Variants in CCL15 observed in about 807,000 individuals in gnomAD.
CCL15 encodes the protein C-C motif chemokine ligand 15.
CCL15 carries 8 observed loss-of-function variants against 10.6 expected under a neutral mutation model. That is an observed-to-expected ratio of 0.75 (90% CI 0.44 to 1.36). The LOEUF is 1.36. CCL15 is among the 40% of genes most tolerant of loss of function. The pLI is 0.00. For missense variants in CCL15, 128 were observed against 136.6 expected, an observed-to-expected ratio of 0.94 and a Z score of 0.32; for synonymous variants, 51 against 48.8, an observed-to-expected ratio of 1.04 and a Z score of -0.19.
intron 3 of CCL15, among the ~76,000 whole-genome samples, 182 bp downstream of exon 3, chr17:35,998,098 T>G (rs2089938551): frequency 6.6e-6 from 1 of 152,140 alleles, no homozygotes; most frequent in Non-Finnish European, 1.5e-5. Context: ...CTTCCCTATC[T>G]CCTCTCCACT....
In CCL15 at chr17:35,998,340, G is replaced by A. The variant is rs771710671; in HGVS notation, c.188C>T (p.Pro63Leu). ...AAAATAACTTTTCATGAGTGAACACGGGATGCTTTGTGAGATGTAGGAGGT... is the reference window on the plus strand; with the variant it reads ...AAAATAACTTTTCATGAGTGAACACAGGATGCTTTGTGAGATGTAGGAGGT... ...CCTSYISQSI[P>L]CSLMKSYFET... The change falls in exon 3 of 4, where the codon CCG becomes CTG. Residue 63 changes from proline (P) to leucine (L), a missense_variant. By Grantham distance (98) the Pro-to-Leu change is moderately conservative. Coordinates refer to ENST00000617897, the MANE Select transcript of CCL15 (RefSeq NM_032965.6). The A allele has an allele frequency of 1.1e-5, 17 of 1,614,050 alleles. No individual in the cohort carries two copies. The highest frequency in any genetic ancestry group is 3.3e-4 in the Middle Eastern group (2 of 6,084).
At chr17:35,999,094 G>A (rs1427430687) in intron 1 of CCL15, among the ~76,000 whole-genome samples, 169 bp from the exon 2 acceptor site, 1 of 152,066 alleles carries the variant, frequency 6.6e-6, no homozygotes, top group East Asian at 1.9e-4. Flanking sequence ...ATTCCATTAG[G>A]GCCCTGAGAC....
chr17:36,000,067 C>T (rs184121502), intron 1 of CCL15, among the ~76,000 whole-genome samples: 160 of 148,892 alleles, frequency 1.1e-3, no homozygotes, highest in African/African-American at 3.7e-3. Flanking sequence ...AGGAGAATGG[C>T]GTGAACCGGG....
At chr17:35,998,441 CACAGTGG>C in intron 2 of CCL15, 50 bp from the exon 3 acceptor site, 3 of 1,281,660 alleles carry the variant, frequency 2.3e-6, no homozygotes, top group Non-Finnish European at 3.4e-6. Flanking sequence ...TCCTCGAAAG[CACAGTGG>C]AGGGTGAGAA....
chr17:35,997,788 C>T lies in CCL15; in HGVS notation c.321G>A (p.Lys107=), dbSNP rs941516070. 4 of 1,613,446 alleles carry T rather than the reference C, an allele frequency of 2.5e-6. No homozygotes were observed. The African/African-American group carries it at 5.3e-5, about 22-fold the overall frequency. ...SGPGVQDCMK[K]LKPYSI ...ATTATTATATTGAGTAGGGCTTCAG[C>T]TTTTTCATGCAATCCTGAACTCCCG... The change falls in exon 4 of 4, where the codon AAG becomes AAA. Residue 107 remains lysine (K), a synonymous_variant. Coordinates refer to ENST00000617897, the MANE Select transcript of CCL15 (RefSeq NM_032965.6).
Position 35,997,763 on chromosome 17 carries a change from A to G in CCL15, c.*4T>C, listed in dbSNP as rs775315616. Reference sequence around the variant, plus strand: ...GGTGGCTGGCCTCTTTTGTCTCTTTATTATTATATTGAGTAGGGCTTCAGC... The same window carrying G: ...GGTGGCTGGCCTCTTTTGTCTCTTTGTTATTATATTGAGTAGGGCTTCAGC... On this transcript the variant is annotated 3_prime_UTR_variant, in exon 4 of 4. Coordinates refer to ENST00000617897, the MANE Select transcript of CCL15 (RefSeq NM_032965.6). The G allele has an allele frequency of 6.2e-7, 1 of 1,604,948 alleles. No individual in the cohort carries two copies. Among genetic ancestry groups the G allele is most frequent in the Non-Finnish European group, 8.5e-7 (1 of 1,171,770 alleles).
At position 35,998,940 on chromosome 17, in the gene CCL15, A is replaced by G; in HGVS notation, c.77-15T>C. ...TGTCTCTGCATCTGAAAGAAACAGTACAGGGAAGGAAATCACTGGGTGGCA... is the reference window on the plus strand; with the variant it reads ...TGTCTCTGCATCTGAAAGAAACAGTGCAGGGAAGGAAATCACTGGGTGGCA... On this transcript the variant is annotated splice_polypyrimidine_tract_variant and intron_variant, in intron 1 of 3. Transcript: ENST00000617897. 1 of 1,610,346 alleles carries G rather than the reference A, an allele frequency of 6.2e-7. No individual in the cohort carries two copies. The highest frequency in any genetic ancestry group is 8.5e-7 in the Non-Finnish European group (1 of 1,176,456).
At chr17:36,001,298 T>G (rs2089992553) in intron 1 of CCL15, 119 bp downstream of exon 1, 13 of 1,328,236 alleles carry the variant, frequency 9.8e-6, no homozygotes, top group Non-Finnish European at 1.4e-5. Context: ...ACCCTGCTGG[T>G]GCTTTTTAAA....
chr17:35,998,202 C>A (rs1398034795), intron 3 of CCL15, 78 bp downstream of exon 3: 6 of 915,002 alleles, frequency 6.6e-6, no homozygotes, highest in Non-Finnish European at 1.8e-6. Flanking sequence ...CCGATGGACG[C>A]CCATCCGTCG....
At chr17:35,998,194 G>T in intron 3 of CCL15, 86 bp downstream of exon 3, 1 of 851,952 alleles carries the variant, frequency 1.2e-6, no homozygotes, top group Non-Finnish European at 2.0e-6. Context: ...GGTGGAACCC[G>T]ATGGACGCCC....
chr17:36,000,052 G>A (rs988034759), intron 1 of CCL15, among the ~76,000 whole-genome samples: 1 of 151,668 alleles, frequency 6.6e-6, no homozygotes, highest in South Asian at 2.1e-4. Context: ...TCGGGAGGCT[G>A]AGGCAGGAGA....
intron 1 of CCL15, among the ~76,000 whole-genome samples, 158 bp from the exon 2 acceptor site, chr17:35,999,083 T>C (rs891896267): frequency 6.6e-6 from 1 of 152,226 alleles, no homozygotes; most frequent in Non-Finnish European, 1.5e-5. Flanking sequence ...CTGGCCCATT[T>C]ATTCCATTAG....
At position 36,001,530 on chromosome 17, in the gene CCL15, G is replaced by A. The variant is rs750087781; in HGVS notation, c.-38C>T. ...CAGGCAGGGCTGGCCGAGGACTCCT[G>A]GGCTCACTGCTTCCTGGCTCCCCGG... is the stretch of plus-strand genomic sequence containing the variant. On this transcript the variant is annotated 5_prime_UTR_variant, in exon 1 of 4. Coordinates refer to ENST00000617897, the MANE Select transcript of CCL15 (RefSeq NM_032965.6). 4 of 1,611,252 alleles carry A rather than the reference G, an allele frequency of 2.5e-6. No individual in the cohort carries two copies. The South Asian group carries it at 4.4e-5, about 18-fold the overall frequency.
chr17:35,998,336 A>G lies in CCL15; in HGVS notation c.192T>C (p.Cys64=), dbSNP rs778260826. The change falls in exon 3 of 4, where the codon TGT becomes TGC. Residue 64 remains cysteine, a synonymous_variant. Transcript: ENST00000617897. ...TTTCAAAATAACTTTTCATGAGTGA[A>G]CACGGGATGCTTTGTGAGATGTAGG... ...CTSYISQSIP[C]SLMKSYFETS... 27 of 1,614,106 alleles carry G rather than the reference A, an allele frequency of 1.7e-5. No individual in the cohort carries two copies. The highest frequency in any genetic ancestry group is 1.9e-5 in the Non-Finnish European group (23 of 1,180,028).
At chr17:35,999,808 T>C (rs1043126400) in intron 1 of CCL15, among the ~76,000 whole-genome samples, 5 of 152,056 alleles carry the variant, frequency 3.3e-5, no homozygotes, top group African/African-American at 7.2e-5. Flanking sequence ...CCAAAATACA[T>C]CTAGCCTGAT....
intron 1 of CCL15, among the ~76,000 whole-genome samples, chr17:36,000,776 C>G (rs1204340667): frequency 1.3e-5 from 2 of 151,934 alleles, no homozygotes; most frequent in East Asian, 3.9e-4. Flanking sequence ...CCGAGAAACC[C>G]CAATAAAGGT....
chr17:36,001,488 T>A lies in CCL15; in HGVS notation c.5A>T (p.Lys2Met), dbSNP rs150531322. The change falls in exon 1 of 4, where the codon AAG becomes ATG. Residue 2 changes from lysine to methionine, a missense_variant. Coordinates refer to ENST00000617897, the MANE Select transcript of CCL15 (RefSeq NM_032965.6). Reference sequence around the variant, plus strand: ...GCAGGAGAGGGCAGCCACGGAGACCTTCATCCTCCTGGTGGGCAGGCAGGG... The same window carrying A: ...GCAGGAGAGGGCAGCCACGGAGACCATCATCCTCCTGGTGGGCAGGCAGGG... Reference protein sequence around the residue: MKVSVAALSCLM... With the variant: MMVSVAALSCLM... The A allele has an allele frequency of 1.2e-4, 188 of 1,613,354 alleles. 1 individual carries two copies. The Middle Eastern group carries it at 7.7e-3, about 66-fold the overall frequency.
At chr17:35,998,788 A>G in intron 2 of CCL15, 78 bp downstream of exon 2, 1 of 1,139,528 alleles carries the variant, frequency 8.8e-7, no homozygotes, top group Non-Finnish European at 1.3e-6. Context: ...CCATTCTGTA[A>G]ACAGGGACAA....
chr17:36,000,418 G>A (rs906614822), intron 1 of CCL15, among the ~76,000 whole-genome samples: 3 of 135,478 alleles, frequency 2.2e-5, no homozygotes, highest in Non-Finnish European at 3.0e-5. Context: ...ATCCGAGATC[G>A]CACCACTGCA....
Sources: allele counts gnomAD v4.1 joint callset (sites outside exome capture counted in the v4.1 genomes callset), GRCh38; gene constraint gnomAD v4.1.1; transcripts MANE v1.5; gene names NCBI Gene and HGNC (gene_info 2026-07-23, HGNC 2026-07-21).